CCNY: variants seen among roughly 807,000 people sequenced by gnomAD.
CCNY encodes the protein cyclin Y, also known as cyclin-Y.
Under a neutral mutation model 42.8 loss-of-function variants are expected in CCNY, and 19 were observed. The observed-to-expected ratio is 0.44, with a 90% confidence interval of 0.31 to 0.65. The LOEUF is 0.65. Among genes scored for constraint, CCNY ranks in the 30% least tolerant of loss-of-function variants. The probability of loss-of-function intolerance (pLI) is 0.07; values close to 1 mark genes in which losing one functional copy is unlikely to be tolerated. For synonymous variants in CCNY, 165 were observed against 162.7 expected, an observed-to-expected ratio of 1.01 and a Z score of -0.11; for missense variants, 370 against 437.3, an observed-to-expected ratio of 0.85 and a Z score of 1.37.
intron 1 of CCNY, among the ~76,000 whole-genome samples, chr10:35,473,706 AT>A (rs1329413568): frequency 1.3e-5 from 2 of 152,228 alleles, no homozygotes; most frequent in African/African-American, 2.4e-5. Context: ...ATAATCTCTA[AT>A]TTTAAGCTCA....
At chr10:35,492,970 C>A (rs1316916791) in intron 2 of CCNY, among the ~76,000 whole-genome samples, 1 of 152,110 alleles carries the variant, frequency 6.6e-6, no homozygotes, top group East Asian at 1.9e-4. Flanking sequence ...CCTCTCCCCT[C>A]TGCAGTCTTC....
chr10:35,536,658 G>A (rs972581922), intron 7 of CCNY, among the ~76,000 whole-genome samples: 2 of 152,158 alleles, frequency 1.3e-5, no homozygotes, highest in African/African-American at 2.4e-5. Flanking sequence ...CTCTTGTTAT[G>A]TTTTAGCAAA....
At chr10:35,289,153 T>C (rs1835385032) in intron 3 of CCNY, among the ~76,000 whole-genome samples, 1 of 152,128 alleles carries the variant, frequency 6.6e-6, no homozygotes. Flanking sequence ...AAATTTTATT[T>C]TGTATATTAT....
At chr10:35,547,720 TGTC>T (rs2135443510) in intron 7 of CCNY, among the ~76,000 whole-genome samples, 1 of 152,276 alleles carries the variant, frequency 6.6e-6, no homozygotes, top group South Asian at 2.1e-4. Context: ...TGCGGTCCCT[TGTC>T]GTCCCTGCAG....
Position 35,420,589 on chromosome 10 carries a change from C to A in CCNY, c.155-62815C>A, listed in dbSNP as rs142725638. ...GATTCTGGAGAGTGCACTGTGGGATCTAGGATCACCTTACCCAGTTCCCAA... is the reference window on the plus strand; with the variant it reads ...GATTCTGGAGAGTGCACTGTGGGATATAGGATCACCTTACCCAGTTCCCAA... On this transcript the variant is annotated intron_variant, in intron 1 of 9. Coordinates refer to ENST00000374704, the MANE Select transcript of CCNY (RefSeq NM_145012.6). 6.6e-5 allele frequency among the ~76,000 whole-genome samples: 10 copies of A among 152,306 alleles called. No individual in the cohort carries two copies. The East Asian group carries it at 1.9e-3, about 29-fold the overall frequency.
At chr10:35,281,501 A>G (rs1044096655) in intron 3 of CCNY, among the ~76,000 whole-genome samples, 1 of 151,924 alleles carries the variant, frequency 6.6e-6, no homozygotes, top group Non-Finnish European at 1.5e-5. Context: ...ACGGAGTTTC[A>G]GCATCTTGGC....
chr10:35,410,873 G>A (rs896601425), intron 1 of CCNY, among the ~76,000 whole-genome samples: 2 of 152,190 alleles, frequency 1.3e-5, no homozygotes, highest in African/African-American at 2.4e-5. Flanking sequence ...CGCTGATGTC[G>A]CTGGTCTAGA....
At chr10:35,255,166 A>C (rs1383367569) in intron 3 of CCNY, among the ~76,000 whole-genome samples, 1 of 152,070 alleles carries the variant, frequency 6.6e-6, no homozygotes, top group Non-Finnish European at 1.5e-5. Flanking sequence ...CTATTTCCTT[A>C]CTTATCTTCT....
rs116142160 is a variant in CCNY, at chr10:35,514,251, T to A, written c.265-2272T>A. ...AATGACTTAGTGCCTAAATGGTCTT[T>A]AGAGTGTTGAGATACTCTGAAACTA... On this transcript the variant is annotated intron_variant, in intron 3 of 9. Transcript: ENST00000374704. Among the ~76,000 whole-genome samples, 1,070 of 152,316 alleles carry A rather than the reference T, an allele frequency of 7.0e-3. 10 individuals are homozygous for A. The highest frequency in any genetic ancestry group is 0.025 in the African/African-American group (1,021 of 41,560).
intron 1 of CCNY, among the ~76,000 whole-genome samples, chr10:35,363,766 A>T (rs1836751542): frequency 6.6e-6 from 1 of 152,198 alleles, no homozygotes; most frequent in African/African-American, 2.4e-5. Context: ...CTGAGTAGGT[A>T]TGAAATCATT....
intron 1 of CCNY, among the ~76,000 whole-genome samples, chr10:35,384,620 G>A (rs2135199137): frequency 6.6e-6 from 1 of 152,324 alleles, no homozygotes; most frequent in East Asian, 1.9e-4. Context: ...TGGCCCTGCA[G>A]TGGAGGGGCG....
At chr10:35,554,183 T>C (rs779480691) in intron 8 of CCNY, among the ~76,000 whole-genome samples, 33 of 152,110 alleles carry the variant, frequency 2.2e-4, no homozygotes, top group Non-Finnish European at 3.5e-4. Context: ...GTCCCTGGGC[T>C]GCAGACTCGT....
At chr10:35,458,738 A>G (rs1839091127) in intron 1 of CCNY, among the ~76,000 whole-genome samples, 1 of 152,198 alleles carries the variant, frequency 6.6e-6, no homozygotes. Flanking sequence ...CCCGTCCTGA[A>G]TTGTGTGCAC....
At chr10:35,437,506 T>C (rs556400369) in intron 1 of CCNY, among the ~76,000 whole-genome samples, 1 of 152,102 alleles carries the variant, frequency 6.6e-6, no homozygotes, top group South Asian at 2.1e-4. Flanking sequence ...ATACGAAAAT[T>C]AACCAGTCAT....
At chr10:35,482,802 T>G (rs7101308) in intron 1 of CCNY, among the ~76,000 whole-genome samples, 29 of 102,654 alleles carry the variant, frequency 2.8e-4, no homozygotes, top group Non-Finnish European at 4.5e-4. Flanking sequence ...GTGTGTGTGT[T>G]ATGTGTTTGA....
intron 1 of CCNY, among the ~76,000 whole-genome samples, chr10:35,397,596 T>A (rs1837553176): frequency 6.6e-6 from 1 of 152,064 alleles, no homozygotes; most frequent in Non-Finnish European, 1.5e-5. Flanking sequence ...TAACACTTCT[T>A]CTAAGGTCAG....
chr10:35,406,162 C>G (rs1241562485), intron 1 of CCNY, among the ~76,000 whole-genome samples: 1 of 143,138 alleles, frequency 7.0e-6, no homozygotes, highest in Non-Finnish European at 1.5e-5. Flanking sequence ...GGGCCAGAGT[C>G]TAATTTTTGG....
At chr10:35,503,221 T>TGC (rs1840146701) in intron 3 of CCNY, among the ~76,000 whole-genome samples, 1 of 152,180 alleles carries the variant, frequency 6.6e-6, no homozygotes, top group Non-Finnish European at 1.5e-5. Context: ...TGCATTCTCA[T>TGC]GCACAGTATC....
chr10:35,253,414 AT>A (rs61405875), intron 3 of CCNY, among the ~76,000 whole-genome samples: 1,131 of 88,958 alleles, frequency 0.013, 43 homozygotes, highest in African/African-American at 0.017. Flanking sequence ...CATGCTCACT[AT>A]TTTTTTTTTT....
Sources: allele counts gnomAD v4.1 joint callset (sites outside exome capture counted in the v4.1 genomes callset), GRCh38; gene constraint gnomAD v4.1.1; transcripts MANE v1.5; gene names NCBI Gene and HGNC (gene_info 2026-07-23, HGNC 2026-07-21).